Variants in BUB1B observed in about 807,000 individuals in gnomAD.
BUB1B encodes the protein BUB1 mitotic checkpoint serine/threonine kinase B.
In BUB1B, 86 loss-of-function variants were observed where a neutral mutation model predicts 137.7. The observed-to-expected ratio is 0.62, with a 90% CI of 0.52 to 0.75. The LOEUF (loss-of-function observed/expected upper bound fraction) is 0.75. Among genes scored for constraint, BUB1B ranks in the 30% least tolerant of loss-of-function variants. The probability of loss-of-function intolerance (pLI) is 0.00; values close to 1 mark genes in which losing one functional copy is unlikely to be tolerated. For synonymous variants in BUB1B, 420 were observed against 417.9 expected, an observed-to-expected ratio of 1.00 and a Z score of -0.06; for missense variants, 1,130 against 1,236.9, an observed-to-expected ratio of 0.91 and a Z score of 1.30.
At chr15:40,181,533 C>G (rs1245862140) in intron 5 of BUB1B, among the ~76,000 whole-genome samples, 1 of 152,142 alleles carries the variant, frequency 6.6e-6, no homozygotes, top group East Asian at 1.9e-4. Flanking sequence ...TCTTCTTTCT[C>G]TCTCTGAGAC....
chr15:40,202,774 T>C (rs2037591122), intron 14 of BUB1B, 80 bp downstream of exon 14: 8 of 1,201,882 alleles, frequency 6.7e-6, no homozygotes, highest in South Asian at 1.2e-5. Flanking sequence ...AAGGTTAAAA[T>C]TGAAACCACT....
At chr15:40,185,428 A>C in intron 7 of BUB1B, 49 bp downstream of exon 7, 1 of 1,601,540 alleles carries the variant, frequency 6.2e-7, no homozygotes, top group Non-Finnish European at 8.6e-7. Context: ...AAGACTTCAC[A>C]TTTAGGGTAG....
intron 15 of BUB1B, 29 bp downstream of exon 15, chr15:40,206,487 CCAGATTGTTTACTCT>C: frequency 1.2e-6 from 2 of 1,613,536 alleles, no homozygotes; most frequent in Non-Finnish European, 1.7e-6. Context: ...GTTTTACAAA[CCAGATTGTTTACTCT>C]CTTATTCTGC....
Position 40,170,620 on chromosome 15 carries a change from C to G in BUB1B, c.323C>G (p.Ala108Gly). The stretch of plus-strand genomic sequence containing the variant: ...ACGTTATTAGAAAGAGCTGTAGAAG[C>G]ACTACAAGGAGAAAAACGATATTAT... ...MSTLLERAVE[A>G]LQGEKRYYSD... Residue 108 changes from alanine to glycine, a missense_variant, in exon 4 of 23, where the codon GCA becomes GGA. By Grantham distance (60) the Ala-to-Gly change is moderately conservative. Transcript: ENST00000287598. The G allele has an allele frequency of 6.2e-7, 1 of 1,613,068 alleles. No individual in the cohort carries two copies.
At chr15:40,195,699 G>A (rs1378675737) in intron 8 of BUB1B, among the ~76,000 whole-genome samples, 1 of 152,048 alleles carries the variant, frequency 6.6e-6, no homozygotes, top group African/African-American at 2.4e-5. Flanking sequence ...GGGTTATTGC[G>A]TTGTGGTTTT....
chr15:40,196,140 C>A (rs922501576), intron 8 of BUB1B, among the ~76,000 whole-genome samples: 2 of 152,168 alleles, frequency 1.3e-5, no homozygotes, highest in Non-Finnish European at 2.9e-5. Context: ...AGTCTTTGAT[C>A]CACCTTGAGT....
intron 12 of BUB1B, 125 bp downstream of exon 12, chr15:40,201,105 TA>T: frequency 1.2e-6 from 1 of 860,676 alleles, no homozygotes; most frequent in South Asian, 1.6e-5. Flanking sequence ...ACTAGGAATT[TA>T]GTATAAGCAT....
chr15:40,213,018 G>C (rs562308794), intron 19 of BUB1B, among the ~76,000 whole-genome samples: 1 of 152,228 alleles, frequency 6.6e-6, no homozygotes, highest in African/African-American at 2.4e-5. Context: ...AAGAAGGTTT[G>C]CTATGGATTT....
intron 8 of BUB1B, among the ~76,000 whole-genome samples, chr15:40,188,240 G>T (rs1259469646): frequency 6.6e-6 from 1 of 152,070 alleles, no homozygotes; most frequent in South Asian, 2.1e-4. Context: ...TAGAGACAGG[G>T]TTTCACCATG....
intron 1 of BUB1B, among the ~76,000 whole-genome samples, chr15:40,164,679 T>A (rs919098938): frequency 2.0e-5 from 3 of 150,698 alleles, no homozygotes; most frequent in South Asian, 2.1e-4. Context: ...TTTTTTTTTT[T>A]AAAGAAAGAG....
intron 6 of BUB1B, among the ~76,000 whole-genome samples, chr15:40,184,647 GT>G (rs1246598228): frequency 6.6e-6 from 1 of 151,906 alleles, no homozygotes; most frequent in African/African-American, 2.4e-5. Flanking sequence ...ATGTTACTTG[GT>G]GGTTCTAGAA....
intron 8 of BUB1B, among the ~76,000 whole-genome samples, chr15:40,191,164 A>ATTT (rs2037432862): frequency 2.0e-5 from 3 of 152,228 alleles, no homozygotes; most frequent in African/African-American, 4.8e-5. Flanking sequence ...CTGGGATTAC[A>ATTT]GGCATGAGCC....
In BUB1B at chr15:40,185,389, C is replaced by G. The variant is rs759939155; in HGVS notation, c.966+10C>G. ...GTCCTTGGAACACAGGGTAAGGACT[C>G]TTAGATCCAGTGCTTTGCTGACACA... On this transcript the variant is annotated intron_variant, in intron 7 of 22. Transcript: ENST00000287598. 1 of 1,613,622 alleles carries G rather than the reference C, an allele frequency of 6.2e-7. No homozygotes were observed.
At chr15:40,210,293 C>T (rs974378002) in intron 18 of BUB1B, 83 bp downstream of exon 18, 88 of 1,054,740 alleles carry the variant, frequency 8.3e-5, no homozygotes, top group Non-Finnish European at 1.3e-4. Context: ...ACCATCAAAT[C>T]TTTCTAATAA....
chr15:40,213,198 A>G (rs2037735599), intron 19 of BUB1B, 134 bp from the exon 20 acceptor site: 3 of 858,066 alleles, frequency 3.5e-6, no homozygotes, highest in South Asian at 2.9e-5. Flanking sequence ...TGGGACATAG[A>G]CTCAGTCTAC....
At chr15:40,177,217 G>A (rs180696644) in intron 5 of BUB1B, among the ~76,000 whole-genome samples, 41 of 152,258 alleles carry the variant, frequency 2.7e-4, no homozygotes, top group African/African-American at 8.9e-4. Flanking sequence ...TAGAACAGAA[G>A]TTTTTAATTT....
chr15:40,170,788 T>A, intron 4 of BUB1B, 107 bp downstream of exon 4: 1 of 1,116,448 alleles, frequency 9.0e-7, no homozygotes, highest in South Asian at 1.4e-5. Flanking sequence ...TTTTGAACCA[T>A]TTAGTAGATT....
intron 5 of BUB1B, among the ~76,000 whole-genome samples, chr15:40,178,766 AT>A (rs2037250201): frequency 6.6e-6 from 1 of 152,106 alleles, no homozygotes; most frequent in South Asian, 2.1e-4. Flanking sequence ...CCCCTGTATC[AT>A]TATATAATGT....
At chr15:40,173,719 G>T (rs938117343) in intron 4 of BUB1B, among the ~76,000 whole-genome samples, 1 of 152,168 alleles carries the variant, frequency 6.6e-6, no homozygotes, top group Non-Finnish European at 1.5e-5. Flanking sequence ...AGAAGCACGG[G>T]TATAGACAAC....
Sources: allele counts gnomAD v4.1 joint callset (sites outside exome capture counted in the v4.1 genomes callset), GRCh38; gene constraint gnomAD v4.1.1; transcripts MANE v1.5; gene names NCBI Gene and HGNC (gene_info 2026-07-23, HGNC 2026-07-21).